The following LPA variants were observed in gnomAD, a reference collection of about 807,000 sequenced individuals.
The protein encoded by LPA is lipoprotein(a).
Under a neutral mutation model 197.9 loss-of-function variants are expected in LPA, and 199 were observed. The observed-to-expected ratio is 1.01, with a 90% CI of 0.90 to 1.13. The LOEUF is 1.13. LPA is among the 50% of genes most tolerant of loss of function. The pLI is 0.00. For missense variants in LPA, 1,853 were observed against 1,785.8 expected (o/e 1.04, Z -0.68); for synonymous variants, 715 against 639.5 (o/e 1.12, Z -1.78).
chr6:160,584,227 CTTCT>C (rs1778857176), intron 26 of LPA, among the ~76,000 whole-genome samples: 2 of 100,624 alleles, frequency 2.0e-5, no homozygotes, highest in Admixed American at 1.4e-4. Flanking sequence ...TCTTCTTCTT[CTTCT>C]TCTTCTTCCT....
intron 1 of LPA, among the ~76,000 whole-genome samples, chr6:160,654,653 CAA>C (rs1051368177): frequency 3.9e-5 from 6 of 152,168 alleles, no homozygotes; most frequent in Non-Finnish European, 8.8e-5. Context: ...ATCCCCAAAC[CAA>C]AAGTTATTAC....
At chr6:160,579,695 T>A (rs890139836) in intron 26 of LPA, among the ~76,000 whole-genome samples, 1 of 152,182 alleles carries the variant, frequency 6.6e-6, no homozygotes, top group Non-Finnish European at 1.5e-5. Context: ...GACCTGTGGC[T>A]GTCTGAGAAA....
At chr6:160,647,733 A>G (rs1381331243) in intron 2 of LPA, among the ~76,000 whole-genome samples, 1 of 152,196 alleles carries the variant, frequency 6.6e-6, no homozygotes, top group Non-Finnish European at 1.5e-5. Flanking sequence ...ACAGTGGTAC[A>G]CTTCCAATTA....
At chr6:160,591,142 A>T (rs1779022501) in intron 22 of LPA, 41 bp from the exon 23 acceptor site, 4 of 1,610,804 alleles carry the variant, frequency 2.5e-6, no homozygotes, top group Admixed American at 1.7e-5. Context: ...GAGATGGGAG[A>T]AGATACAAGG....
intron 16 of LPA, among the ~76,000 whole-genome samples, chr6:160,610,914 T>G (rs1304209608): frequency 6.6e-6 from 1 of 152,188 alleles, no homozygotes; most frequent in East Asian, 1.9e-4. Flanking sequence ...GGTTGTTGAT[T>G]ATGGCCAAAT....
In LPA at chr6:160,591,004, T is replaced by C. The variant is rs1199255025; in HGVS notation, c.3727A>G (p.Thr1243Ala). The C allele has an allele frequency of 6.2e-7, 1 of 1,614,030 alleles. No individual in the cohort carries two copies. The highest frequency in any genetic ancestry group is 2.2e-5 in the East Asian group (1 of 44,836). The change falls in exon 23 of 39, where the codon ACA becomes GCA. Residue 1243 changes from threonine (T) to alanine (A), a missense_variant. Physicochemically the swap from Thr to Ala is moderately conservative, Grantham distance 58 (BLOSUM62 0). This residue lies in a region of LPA where 1,737 missense variants were observed against 1,504.4 expected (regional missense o/e 1.15). Coordinates refer to ENST00000316300, the MANE Select transcript of LPA (RefSeq NM_005577.4). ...CTTGATTCTGTCACTGGACATTGTG[T>C]CAGGTTGCAGTACTCCCATCTGACA... ...PNVRWEYCNL[T>A]QCPVTESSVL...
At chr6:160,536,613 G>A (rs1010449640) in intron 37 of LPA, among the ~76,000 whole-genome samples, 1 of 152,030 alleles carries the variant, frequency 6.6e-6, no homozygotes, top group African/African-American at 2.4e-5. Context: ...CTTCCTCAAT[G>A]GTAAAATAGG....
At chr6:160,572,845 C>G (rs1482575723) in intron 28 of LPA, among the ~76,000 whole-genome samples, 1 of 152,144 alleles carries the variant, frequency 6.6e-6, no homozygotes, top group Non-Finnish European at 1.5e-5. Flanking sequence ...AGATTCTTGC[C>G]TTCGTCTTAA....
At chr6:160,655,621 A>G (rs932723848) in intron 1 of LPA, among the ~76,000 whole-genome samples, 22 of 152,192 alleles carry the variant, frequency 1.4e-4, no homozygotes, top group African/African-American at 5.1e-4. Flanking sequence ...GTTATGCTTC[A>G]CCTTAGAAGG....
intron 26 of LPA, 52 bp downstream of exon 26, chr6:160,584,994 G>C: frequency 6.3e-7 from 1 of 1,592,196 alleles, no homozygotes; most frequent in Non-Finnish European, 8.6e-7. Flanking sequence ...GGCCAGCTAA[G>C]AGAAATTTTA....
At chr6:160,574,372 T>A (rs936341296) in intron 28 of LPA, among the ~76,000 whole-genome samples, 22 of 152,278 alleles carry the variant, frequency 1.4e-4, no homozygotes, top group Non-Finnish European at 1.5e-4. Context: ...CCCCCACCTG[T>A]GAAGTCTGCA....
rs201217994 is a variant in LPA, at chr6:160,557,507, C to T, written c.4696G>A (p.Asp1566Asn). 71 of 1,614,036 alleles carry T rather than the reference C, an allele frequency of 4.4e-5. No individual in the cohort carries two copies. The South Asian group carries it at 6.7e-4, about 15-fold the overall frequency. Residue 1566 changes from aspartate (D) to asparagine (N), a missense_variant, in exon 29 of 39, where the codon GAT becomes AAT. Coordinates refer to ENST00000316300, the MANE Select transcript of LPA (RefSeq NM_005577.4). ...SGKQPWCYTT[D>N]PCVRWEYCNL... ...CAGTACTCCCACCTCACACACGGAT[C>T]GGTTGTGTAACACCAGGGTTGTTTC...
chr6:160,552,379 A>G (rs1343816825), intron 30 of LPA, among the ~76,000 whole-genome samples: 5 of 152,166 alleles, frequency 3.3e-5, no homozygotes, highest in Admixed American at 3.3e-4. Context: ...ATCTATAAGC[A>G]TGGTGTATAT....
chr6:160,587,694 A>C (rs545549406), intron 24 of LPA, among the ~76,000 whole-genome samples: 75 of 149,208 alleles, frequency 5.0e-4, no homozygotes, highest in African/African-American at 1.8e-3. Flanking sequence ...ACATATATTA[A>C]ATGTGTGGAT....
chr6:160,600,653 T>C (rs1398336035), intron 19 of LPA, among the ~76,000 whole-genome samples: 1 of 152,120 alleles, frequency 6.6e-6, no homozygotes, highest in African/African-American at 2.4e-5. Context: ...GACAATGAGA[T>C]AGCCCCTTTT....
intron 21 of LPA, among the ~76,000 whole-genome samples, 199 bp from the exon 22 acceptor site, chr6:160,594,316 A>T (rs916895321): frequency 6.6e-6 from 1 of 152,202 alleles, no homozygotes; most frequent in Non-Finnish European, 1.5e-5. Flanking sequence ...TCTTAGAAAG[A>T]TTTCCTTTAA....
chr6:160,545,052 T>G lies in LPA; in HGVS notation c.5398+388A>C, dbSNP rs113959784. On this transcript the variant is annotated intron_variant, in intron 33 of 38. Coordinates refer to ENST00000316300, the MANE Select transcript of LPA (RefSeq NM_005577.4). ...CTTAGCTGTTTCCTGCTGCTCGTAT[T>G]TTTTTTTTCTTCTCAGCTGCAGAAG... Among the ~76,000 whole-genome samples the G allele has an allele frequency of 2.5e-3, 364 of 148,098 alleles. 1 individual carries two copies. Among genetic ancestry groups the G allele is most frequent in the African/African-American group, 8.8e-3 (337 of 38,194 alleles).
rs183854936 is a variant in LPA at position 160,653,845 on chromosome 6, G to A, written c.50-3348C>T. ...GTTTTATTCCTGGGATATAAGGTTG[G>A]TTCAATGTATACAAATCAATAAATG... On this transcript the variant is annotated intron_variant, in intron 1 of 38. Transcript: ENST00000316300. Among the ~76,000 whole-genome samples the A allele has an allele frequency of 2.2e-5, 3 of 135,864 alleles. No homozygotes were observed. The East Asian group carries it at 6.5e-4, about 29-fold the overall frequency. The allele number at this position is 135,864 out of a possible 152,430, so 89.1% of individuals were successfully genotyped here.
At chr6:160,554,540 A>G (rs1324370777) in intron 30 of LPA, among the ~76,000 whole-genome samples, 3 of 151,992 alleles carry the variant, frequency 2.0e-5, no homozygotes, top group Admixed American at 6.6e-5. Flanking sequence ...CTAAAGTATG[A>G]CTTTTCTGGG....
Sources: gnomAD v4.1 joint callset for allele counts (sites outside exome capture counted in the v4.1 genomes callset) on GRCh38, gnomAD v4.1.1 for gene constraint, gnomAD v4.1.1 regional missense constraint, MANE v1.5 for transcripts, NCBI Gene and HGNC (gene_info 2026-07-23, HGNC 2026-07-21) for gene names.